The following PTPRO variants were observed in gnomAD, a reference collection of about 807,000 sequenced individuals.
PTPRO encodes protein tyrosine phosphatase receptor type O, also known as receptor-type tyrosine-protein phosphatase O.
In PTPRO, 62 loss-of-function variants were observed where a neutral mutation model predicts 145.2. The observed-to-expected ratio is 0.43, with a 90% CI of 0.35 to 0.53. The LOEUF (loss-of-function observed/expected upper bound fraction) is 0.53. Among genes scored for constraint, PTPRO ranks in the 20% least tolerant of loss-of-function variants. The pLI, the probability that PTPRO is intolerant of heterozygous loss-of-function variation, is 0.01. For missense variants in PTPRO, 1,345 were observed against 1,482.7 expected (o/e 0.91, Z 1.53); for synonymous variants, 565 against 514.7 (o/e 1.10, Z -1.32).
chr12:15,578,702 G>A (rs1472763562), intron 19 of PTPRO, 151 bp from the exon 20 acceptor site: 3 of 682,854 alleles, frequency 4.4e-6, no homozygotes, highest in African/African-American at 1.8e-5. Flanking sequence ...GCCAAAGCAA[G>A]TTGATGATAG....
chr12:15,544,390 A>G (rs886665630), intron 12 of PTPRO, among the ~76,000 whole-genome samples: 4 of 151,568 alleles, frequency 2.6e-5, no homozygotes, highest in African/African-American at 9.7e-5. Flanking sequence ...CTGTAGTCTC[A>G]GCTACTCAGG....
chr12:15,473,019 C>G (rs570911075), intron 1 of PTPRO, among the ~76,000 whole-genome samples: 1 of 152,296 alleles, frequency 6.6e-6, no homozygotes, highest in Admixed American at 6.5e-5. Flanking sequence ...CCATGATTCC[C>G]CTAGACTGCT....
chr12:15,383,408 GA>G (rs1938924585), intron 1 of PTPRO, among the ~76,000 whole-genome samples: 2 of 152,080 alleles, frequency 1.3e-5, no homozygotes, highest in African/African-American at 4.8e-5. Context: ...TGGCTATCAT[GA>G]CTAATGCTGC....
intron 1 of PTPRO, among the ~76,000 whole-genome samples, chr12:15,468,692 A>T (rs1226101336): frequency 1.3e-5 from 2 of 152,214 alleles, no homozygotes; most frequent in Non-Finnish European, 2.9e-5. Context: ...GACTCAAAAC[A>T]CCACTAGAAC....
chr12:15,454,339 T>A (rs1278595595), intron 1 of PTPRO, among the ~76,000 whole-genome samples: 2 of 152,218 alleles, frequency 1.3e-5, no homozygotes, highest in African/African-American at 2.4e-5. Context: ...TCCATAAGGT[T>A]TTTTGGCCAC....
chr12:15,444,586 G>A (rs546775494), intron 1 of PTPRO, among the ~76,000 whole-genome samples: 12 of 128,812 alleles, frequency 9.3e-5, no homozygotes, highest in African/African-American at 3.6e-4. Flanking sequence ...CCCCTCCCCC[G>A]CCCAAATTTG....
intron 1 of PTPRO, among the ~76,000 whole-genome samples, chr12:15,353,135 G>A (rs1937865184): frequency 6.6e-6 from 1 of 152,116 alleles, no homozygotes; most frequent in African/African-American, 2.4e-5. Flanking sequence ...CCATTTATGT[G>A]CAGGTTACAA....
At chr12:15,327,303 G>A (rs1866472611) in intron 1 of PTPRO, among the ~76,000 whole-genome samples, 1 of 152,102 alleles carries the variant, frequency 6.6e-6, no homozygotes. Context: ...TCTGTTTAAT[G>A]TTATTAATTA....
At chr12:15,538,367 G>T (rs1039016879) in intron 12 of PTPRO, among the ~76,000 whole-genome samples, 12 of 152,034 alleles carry the variant, frequency 7.9e-5, no homozygotes, top group African/African-American at 2.9e-4. Flanking sequence ...TGGGATTACA[G>T]GTGCGCACCA....
intron 1 of PTPRO, among the ~76,000 whole-genome samples, chr12:15,396,048 C>T (rs1939329488): frequency 6.6e-6 from 1 of 152,182 alleles, no homozygotes; most frequent in South Asian, 2.1e-4. Flanking sequence ...CACAAGCATA[C>T]ATCTGTGTGT....
chr12:15,539,778 AAAAAAAAAAAAAAAAAAG>A (rs1943143150), intron 12 of PTPRO, among the ~76,000 whole-genome samples: 1 of 148,994 alleles, frequency 6.7e-6, no homozygotes, highest in Non-Finnish European at 1.5e-5. Flanking sequence ...AAAAAAAAAA[AAAAAAAAAAAAAAAAAAG>A]AATATAGTTA....
intron 9 of PTPRO, among the ~76,000 whole-genome samples, chr12:15,518,508 A>G (rs960441155): frequency 6.6e-6 from 1 of 152,154 alleles, no homozygotes; most frequent in Non-Finnish European, 1.5e-5. Context: ...GCCAACTTGA[A>G]TTTCTCCTCA....
rs376455453 is a variant in PTPRO, at chr12:15,526,511, CAT to C, written c.2164+251_2164+252del. On this transcript the variant is annotated intron_variant, in intron 12 of 26. Transcript: ENST00000281171. The stretch of plus-strand genomic sequence containing the variant: ...TGTAAGGTTAAAGAAACCAGGTAGT[CAT>C]AGGATTTTGGAGATGGAAGCACATT... 5.5e-4 allele frequency among the ~76,000 whole-genome samples: 83 copies of C among 152,208 alleles called. 1 individual carries two copies. Among genetic ancestry groups the C allele is most frequent in the African/African-American group, 1.8e-3 (76 of 41,532 alleles).
At chr12:15,526,088 G>T (rs1942831398) in intron 11 of PTPRO, 54 bp from the exon 12 acceptor site, 2 of 1,610,984 alleles carry the variant, frequency 1.2e-6, no homozygotes, top group Admixed American at 3.3e-5. Context: ...GTTTGGGGTG[G>T]TGCACTGATT....
At chr12:15,557,032 G>GTTTTTTTTTTTTT (rs552264784) in intron 15 of PTPRO, among the ~76,000 whole-genome samples, 1 of 139,924 alleles carries the variant, frequency 7.1e-6, no homozygotes, top group Non-Finnish European at 1.6e-5. Flanking sequence ...CTTTTATTTT[G>GTTTTTTTTTTTTT]TTTTTTTTTT....
At position 15,382,576 on chromosome 12, in the gene PTPRO, A is replaced by G. The variant is rs149761169; in HGVS notation, c.75+59775A>G. ...CCGCAGTAACAGGGCCCTCCAAGAC[A>G]GGTGAGGCTGAAAGAATGGGGCAGG... On this transcript the variant is annotated intron_variant, in intron 1 of 26. Transcript: ENST00000281171. 2.1e-3 allele frequency among the ~76,000 whole-genome samples: 321 copies of G among 152,354 alleles called. 3 individuals are homozygous for G. The highest frequency in any genetic ancestry group is 7.5e-3 in the African/African-American group (310 of 41,580).
intron 19 of PTPRO, among the ~76,000 whole-genome samples, chr12:15,576,710 A>C (rs1356609986): frequency 6.6e-6 from 1 of 152,216 alleles, no homozygotes; most frequent in Non-Finnish European, 1.5e-5. Context: ...GTTGAGTTAA[A>C]TTATTCCATT....
intron 1 of PTPRO, among the ~76,000 whole-genome samples, chr12:15,418,778 G>C (rs977115529): frequency 6.6e-6 from 1 of 151,730 alleles, no homozygotes; most frequent in African/African-American, 2.4e-5. Context: ...ATTATGGATG[G>C]ACCAGATTCT....
chr12:15,580,752 G>A lies in PTPRO; in HGVS notation c.3053G>A (p.Arg1018Lys), dbSNP rs1214450739. 1 of 1,614,078 alleles carries A rather than the reference G, an allele frequency of 6.2e-7. No homozygotes were observed. The highest frequency in any genetic ancestry group is 1.1e-5 in the South Asian group (1 of 91,078). The change falls in exon 22 of 27, where the codon AGA (arginine) becomes AAA (lysine). Residue 1018 changes from arginine (R) to lysine (K), a missense_variant. Coordinates refer to ENST00000281171, the MANE Select transcript of PTPRO (RefSeq NM_030667.3). ...IATQGPLPET[R>K]NDFWKMVLQQ... ...ACCCAGGGGCCACTGCCTGAAACCA[G>A]AAATGACTTCTGGAAGATGGTCCTG...
Sources: gnomAD v4.1 joint callset for allele counts (sites outside exome capture counted in the v4.1 genomes callset) on GRCh38, gnomAD v4.1.1 for gene constraint, MANE v1.5 for transcripts, NCBI Gene and HGNC (gene_info 2026-07-23, HGNC 2026-07-21) for gene names.